Variants in NFIX observed in about 807,000 individuals in gnomAD.
NFIX encodes the protein nuclear factor 1 X-type.
NFIX carries 2 observed loss-of-function variants against 53.3 expected under a neutral mutation model. The observed-to-expected ratio is 0.04, with a 90% confidence interval of 0.02 to 0.12. The LOEUF (loss-of-function observed/expected upper bound fraction) is 0.12. Ranked by LOEUF, NFIX falls within the 10% of genes least tolerant of loss-of-function variation. The pLI, the probability that NFIX is intolerant of heterozygous loss-of-function variation, is 1.00. For synonymous variants in NFIX, 244 were observed against 289.0 expected (o/e 0.84, Z 1.58); for missense variants, 310 against 674.5 (o/e 0.46, Z 5.99).
chr19:13,000,977 C>T (rs559496457), intron 1 of NFIX, among the ~76,000 whole-genome samples: 3 of 152,292 alleles, frequency 2.0e-5, no homozygotes, highest in South Asian at 2.1e-4. Flanking sequence ...GAGATATTGT[C>T]TCCCCCACCC....
At chr19:13,074,051 C>T in intron 5 of NFIX, 25 bp downstream of exon 5, 1 of 1,613,356 alleles carries the variant, frequency 6.2e-7, no homozygotes, top group Non-Finnish European at 8.5e-7. Flanking sequence ...CCTGCCTTTC[C>T]ATCTTCTCTC....
At position 13,078,096 on chromosome 19, in the gene NFIX, T is replaced by C. The variant is rs1211588570; in HGVS notation, c.956-517T>C. ...CTCTCGCTGGGCATTGTGTCCCTCC[T>C]GAGGGCTCATGGCTGTGTGCTCCCT... is the stretch of plus-strand genomic sequence containing the variant. On this transcript the variant is annotated intron_variant, in intron 6 of 10. Coordinates refer to ENST00000592199, the MANE Select transcript of NFIX (RefSeq NM_001365902.3). The surrounding 1 kb of genome is among the most constrained non-coding windows in gnomAD (Gnocchi z 4.7). Among the ~76,000 whole-genome samples, 1 of 152,178 alleles carries C rather than the reference T, an allele frequency of 6.6e-6. No individual in the cohort carries two copies. Among genetic ancestry groups the C allele is most frequent in the Non-Finnish European group, 1.5e-5 (1 of 68,012 alleles).
At position 13,047,502 on chromosome 19, in the gene NFIX, G is replaced by A. The variant is rs1055623559; in HGVS notation, c.559+21950G>A. Reference sequence around the variant, plus strand: ...TCCCTGGCCCCATTAGAAAATGTCGGCTCTGACTACACCATGCTTGCGAAC... The same window carrying A: ...TCCCTGGCCCCATTAGAAAATGTCGACTCTGACTACACCATGCTTGCGAAC... On this transcript the variant is annotated intron_variant, in intron 2 of 10. Coordinates refer to ENST00000592199, the MANE Select transcript of NFIX (RefSeq NM_001365902.3). Among the ~76,000 whole-genome samples the A allele has an allele frequency of 1.2e-4, 19 of 152,092 alleles. 1 individual carries two copies. Among genetic ancestry groups the A allele is most frequent in the Admixed American group, 1.0e-3 (16 of 15,278 alleles).
In NFIX at chr19:13,021,627, C is replaced by T. The variant is rs1599731289; in HGVS notation, c.28-3394C>T. On this transcript the variant is annotated intron_variant, in intron 1 of 10. Transcript: ENST00000592199. This position sits in a 1 kb window ranked among gnomAD's most constrained non-coding sequence, Gnocchi z 4.2. The stretch of plus-strand genomic sequence containing the variant: ...TCTGAGTGGAATTGGATCCCTTTCT[C>T]CCTGTCTGCAGCCACATCCTTCTTC... 6.6e-6 allele frequency among the ~76,000 whole-genome samples: 1 copy of T among 152,180 alleles called. No individual in the cohort carries two copies. Among genetic ancestry groups the T allele is most frequent in the Non-Finnish European group, 1.5e-5 (1 of 68,032 alleles).
At position 13,001,781 on chromosome 19, in the gene NFIX, C is replaced by T. The variant is rs117984407; in HGVS notation, c.27+5917C>T. On this transcript the variant is annotated intron_variant, in intron 1 of 10. Coordinates refer to ENST00000592199, the MANE Select transcript of NFIX (RefSeq NM_001365902.3). The surrounding 1 kb of genome is among the most constrained non-coding windows in gnomAD (Gnocchi z 6.5). ...CTCTCCTGGGCATTCCCTTGGCCTC[C>T]GAGCACCATGTGAGATGCCTGCTAT... Among the ~76,000 whole-genome samples the T allele has an allele frequency of 1.1e-3, 161 of 152,324 alleles. No individual in the cohort carries two copies. The highest frequency in any genetic ancestry group is 1.9e-3 in the Non-Finnish European group (129 of 68,032).
rs550765342 is a variant in NFIX at position 13,072,866 on chromosome 19, T to G, written c.560-181T>G. On this transcript the variant is annotated intron_variant, in intron 2 of 10. Coordinates refer to ENST00000592199, the MANE Select transcript of NFIX (RefSeq NM_001365902.3). The surrounding 1 kb of genome is among the most constrained non-coding windows in gnomAD (Gnocchi z 4.0). ...AAACCTGCACTGGGCCTGTCTTTCC[T>G]TCTCTGCTTTGGGTCTCCCGGAGCC... Among the ~76,000 whole-genome samples the G allele has an allele frequency of 6.6e-6, 1 of 152,308 alleles. No homozygotes were observed. The highest frequency in any genetic ancestry group is 2.1e-4 in the South Asian group (1 of 4,826).
rs542689889 is a variant in NFIX at position 13,089,911 on chromosome 19, A to T, written c.1403-388A>T. ...TATCCACTGAGGGTACCTGGGGACC[A>T]GGGCTATCCCCAGCCCTGCCCAGTG... On this transcript the variant is annotated intron_variant, in intron 9 of 10. Coordinates refer to ENST00000592199, the MANE Select transcript of NFIX (RefSeq NM_001365902.3). This position sits in a 1 kb window ranked among gnomAD's most constrained non-coding sequence, Gnocchi z 4.8. Among the ~76,000 whole-genome samples the T allele has an allele frequency of 2.6e-5, 4 of 152,328 alleles. No homozygotes were observed. The highest frequency in any genetic ancestry group is 3.4e-3 in the Middle Eastern group (1 of 294).
chr19:13,045,063 G>C lies in NFIX; in HGVS notation c.559+19511G>C, dbSNP rs2014898048. 6.6e-6 allele frequency among the ~76,000 whole-genome samples: 1 copy of C among 152,182 alleles called. No homozygotes were observed. The highest frequency in any genetic ancestry group is 2.4e-5 in the African/African-American group (1 of 41,428). On this transcript the variant is annotated intron_variant, in intron 2 of 10. Coordinates refer to ENST00000592199, the MANE Select transcript of NFIX (RefSeq NM_001365902.3). This position sits in a 1 kb window ranked among gnomAD's most constrained non-coding sequence, Gnocchi z 4.4. ...TGGCCCGCCGGCAGCTCAGATACCT[G>C]GGAGCAGCACAGGGCTCAGCACCCT...
chr19:13,086,396 T>G (rs1267953742), intron 8 of NFIX, among the ~76,000 whole-genome samples: 1 of 152,172 alleles, frequency 6.6e-6, no homozygotes, highest in East Asian at 1.9e-4. Flanking sequence ...TGGCTGTGAA[T>G]TCCAGGTCTG....
chr19:13,024,594 G>A, intron 1 of NFIX: 1 of 1,536,216 alleles, frequency 6.5e-7, no homozygotes. Context: ...CGGACACTGT[G>A]CCGGGGCGAG....
chr19:13,041,523 G>A (rs1402831734), intron 2 of NFIX, among the ~76,000 whole-genome samples: 1 of 152,070 alleles, frequency 6.6e-6, no homozygotes, highest in Non-Finnish European at 1.5e-5. Flanking sequence ...ACTGCAGGGC[G>A]CAGTGGCTCA....
chr19:13,037,761 G>T lies in NFIX; in HGVS notation c.559+12209G>T, dbSNP rs7408934. Among the ~76,000 whole-genome samples the T allele has an allele frequency of 6.6e-6, 1 of 152,102 alleles. No homozygotes were observed. The highest frequency in any genetic ancestry group is 1.9e-4 in the East Asian group (1 of 5,180). ...TTTCAACCAAGGGCAATTTTGTCCC[G>T]CAGGGAACATTTGGCAATGTCTGTG... On this transcript the variant is annotated intron_variant, in intron 2 of 10. Transcript: ENST00000592199. The surrounding 1 kb of genome is among the most constrained non-coding windows in gnomAD (Gnocchi z 4.2).
At chr19:13,033,293 C>G (rs1243712717) in intron 2 of NFIX, among the ~76,000 whole-genome samples, 1 of 152,152 alleles carries the variant, frequency 6.6e-6, no homozygotes, top group African/African-American at 2.4e-5. Context: ...GACCTTACCC[C>G]CCAGGTGCCT....
At position 13,012,538 on chromosome 19, in the gene NFIX, A is replaced by G. The variant is rs992605190; in HGVS notation, c.28-12483A>G. ...TTGCTGCGTCAAAGGCCGCCGCCAAAAGGGGCTCCGATGTCGGCATTTTTG... is the reference window on the plus strand; with the variant it reads ...TTGCTGCGTCAAAGGCCGCCGCCAAGAGGGGCTCCGATGTCGGCATTTTTG... On this transcript the variant is annotated intron_variant, in intron 1 of 10. Transcript: ENST00000592199. This position sits in a 1 kb window ranked among gnomAD's most constrained non-coding sequence, Gnocchi z 5.0. Among the ~76,000 whole-genome samples the G allele has an allele frequency of 7.2e-5, 11 of 152,038 alleles. No homozygotes were observed. Among genetic ancestry groups the G allele is most frequent in the African/African-American group, 2.7e-4 (11 of 41,414 alleles).
At chr19:13,003,297 G>T (rs1167893268) in intron 1 of NFIX, among the ~76,000 whole-genome samples, 1 of 152,070 alleles carries the variant, frequency 6.6e-6, no homozygotes, top group Non-Finnish European at 1.5e-5. Context: ...CGAACACATC[G>T]ATGCGGCATT....
chr19:13,028,799 G>A lies in NFIX; in HGVS notation c.559+3247G>A, dbSNP rs1368116908. Among the ~76,000 whole-genome samples the A allele has an allele frequency of 6.6e-6, 1 of 152,172 alleles. No homozygotes were observed. The highest frequency in any genetic ancestry group is 2.4e-5 in the African/African-American group (1 of 41,436). On this transcript the variant is annotated intron_variant, in intron 2 of 10. Transcript: ENST00000592199. The surrounding 1 kb of genome is among the most constrained non-coding windows in gnomAD (Gnocchi z 4.2). ...GGGTGAGCTGGGGAGGGCCAGGAGA[G>A]AGATCTCTGCTTGTGTGAGAAAGGA...
At position 12,998,370 on chromosome 19, in the gene NFIX, C is replaced by A. The variant is rs576256004; in HGVS notation, c.27+2506C>A. 2.1e-3 allele frequency among the ~76,000 whole-genome samples: 313 copies of A among 151,644 alleles called. 2 individuals are homozygous for A. The highest frequency in any genetic ancestry group is 0.016 in the South Asian group (77 of 4,784). ...CTTTTTTTCAAACCAGAATTGGCTT[C>A]GATTTTAAAGTCAATAAATGATTGA... is the stretch of plus-strand genomic sequence containing the variant. On this transcript the variant is annotated intron_variant, in intron 1 of 10. Coordinates refer to ENST00000592199, the MANE Select transcript of NFIX (RefSeq NM_001365902.3). The surrounding 1 kb of genome is among the most constrained non-coding windows in gnomAD (Gnocchi z 4.4).
At chr19:13,086,747 G>A (rs1392692937) in intron 8 of NFIX, among the ~76,000 whole-genome samples, 1 of 152,192 alleles carries the variant, frequency 6.6e-6, no homozygotes, top group Non-Finnish European at 1.5e-5. Context: ...CAGAACTAAA[G>A]CACCTGGTCC....
intron 2 of NFIX, among the ~76,000 whole-genome samples, chr19:13,029,313 C>G (rs2013615832): frequency 1.3e-5 from 2 of 152,004 alleles, no homozygotes; most frequent in South Asian, 4.1e-4. Flanking sequence ...CTATTATACC[C>G]ATTAAAAATT....
Sources: allele counts gnomAD v4.1 joint callset (sites outside exome capture counted in the v4.1 genomes callset), GRCh38; gene constraint gnomAD v4.1.1; non-coding constraint Gnocchi (gnomAD v3.1); transcripts MANE v1.5; gene names NCBI Gene and HGNC (gene_info 2026-07-23, HGNC 2026-07-21).